The following UTP20 variants were observed in gnomAD, a reference collection of about 807,000 sequenced individuals.
UTP20 encodes the protein UTP20 small subunit processome component, also known as small subunit processome component 20 homolog.
UTP20 carries 164 observed loss-of-function variants against 329.5 expected under a neutral mutation model. The observed-to-expected ratio is 0.50, with a 90% confidence interval of 0.44 to 0.57. The LOEUF is 0.57. UTP20 is among the 20% of genes least tolerant of loss of function. UTP20 has a pLI of 0.00. For synonymous variants in UTP20, 1,151 were observed against 1,159.3 expected, an observed-to-expected ratio of 0.99 and a Z score of 0.14; for missense variants, 3,055 against 3,284.2, an observed-to-expected ratio of 0.93 and a Z score of 1.71.
intron 5 of UTP20, among the ~76,000 whole-genome samples, chr12:101,287,619 C>G (rs781081379): frequency 6.6e-6 from 1 of 152,124 alleles, no homozygotes; most frequent in Admixed American, 6.5e-5. Context: ...GTATGCCAGG[C>G]CCTGTTTGGT....
Position 101,386,211 on chromosome 12 carries a change from CGTTT to C in UTP20, c.*89_*92del. The C allele has an allele frequency of 1.7e-6, 2 of 1,153,288 alleles. No individual in the cohort carries two copies. The highest frequency in any genetic ancestry group is 3.0e-5 in the South Asian group (2 of 66,478). 71.4% of individuals were successfully genotyped at this position (1,153,288 alleles called of 1,614,324 possible). A position where few individuals can be genotyped will look rare whatever the true frequency, so the allele number is the denominator to read the frequency against. On this transcript the variant is annotated 3_prime_UTR_variant, in exon 62 of 62. Coordinates refer to ENST00000261637, the MANE Select transcript of UTP20 (RefSeq NM_014503.3). ...TAGGTTGTCTGGGGTAGGGGGGAGG[CGTTT>C]TTTTTTTTTTTTGAGACAAGGTCTC... is the stretch of plus-strand genomic sequence containing the variant.
chr12:101,330,045 T>C (rs1868708443), intron 27 of UTP20, among the ~76,000 whole-genome samples: 3 of 150,512 alleles, frequency 2.0e-5, no homozygotes, highest in South Asian at 2.1e-4. Context: ...ATAGTTATTA[T>C]AAAAACACTC....
chr12:101,293,304 T>A (rs542007354), intron 11 of UTP20, 59 bp downstream of exon 11: 12 of 1,495,122 alleles, frequency 8.0e-6, no homozygotes, highest in Non-Finnish European at 1.1e-5. Context: ...GAAAAAACGA[T>A]CAAATTTGAA....
chr12:101,323,918 C>A (rs923620474), intron 25 of UTP20, among the ~76,000 whole-genome samples: 1 of 152,038 alleles, frequency 6.6e-6, no homozygotes, highest in Admixed American at 6.5e-5. Context: ...GTGGATGGAT[C>A]CCGAGGTCAG....
At chr12:101,353,292 A>G (rs1234101602) in intron 40 of UTP20, among the ~76,000 whole-genome samples, 163 bp downstream of exon 40, 1 of 152,216 alleles carries the variant, frequency 6.6e-6, no homozygotes, top group East Asian at 1.9e-4. Context: ...TGGTTTAAGT[A>G]TTCTTGGAAA....
At chr12:101,343,420 G>A (rs910054714) in intron 35 of UTP20, among the ~76,000 whole-genome samples, 1 of 152,190 alleles carries the variant, frequency 6.6e-6, no homozygotes, top group Non-Finnish European at 1.5e-5. Flanking sequence ...GATTTCTAAT[G>A]GGTATAGGGT....
rs556970773 is a variant in UTP20 at position 101,301,990 on chromosome 12, G to A, written c.1676-458G>A. ...CACCCAGGCTGGAGGGCAGTGGCAC[G>A]ATCATGGCTTACTGCATGCAGCCTT... On this transcript the variant is annotated intron_variant, in intron 14 of 61. Coordinates refer to ENST00000261637, the MANE Select transcript of UTP20 (RefSeq NM_014503.3). Among the ~76,000 whole-genome samples, 6 of 152,220 alleles carry A rather than the reference G, an allele frequency of 3.9e-5. No individual in the cohort carries two copies. The East Asian group carries it at 9.7e-4, about 25-fold the overall frequency.
Position 101,309,806 on chromosome 12 carries a change from GTGCACTC to G in UTP20, c.2201_2207del (p.Ala734GlyfsTer8). ...TTAGGCATGCTATATATTAATTTCA[GTGCACTC>G]TGGGATCCTGTTATTGAACTCATAA... On this transcript the variant is annotated frameshift_variant, in exon 19 of 62. Transcript: ENST00000261637. LOFTEE classifies it high-confidence loss of function. 1.2e-6 allele frequency: 2 copies of G among 1,613,706 alleles called. No homozygotes were observed. Among genetic ancestry groups the G allele is most frequent in the Non-Finnish European group, 1.7e-6 (2 of 1,179,980 alleles).
chr12:101,289,013 C>G lies in UTP20; in HGVS notation c.569C>G (p.Ala190Gly). The G allele has an allele frequency of 6.2e-7, 1 of 1,613,748 alleles. No homozygotes were observed. Among genetic ancestry groups the G allele is most frequent in the Non-Finnish European group, 8.5e-7 (1 of 1,179,852 alleles). The part of the protein sequence containing the change: ...HKKLHIRNFA[A>G]ESFTFLMRKV... ...AAACTACATATAAGAAATTTTGCTG[C>G]TGAAAGTTTTACTTTTTTGATGAGA... The change falls in exon 6 of 62, where the codon GCT (alanine) becomes GGT (glycine). Residue 190 changes from alanine (A) to glycine (G), a missense_variant. Ala to Gly is a moderately conservative substitution (Grantham distance 60). Coordinates refer to ENST00000261637, the MANE Select transcript of UTP20 (RefSeq NM_014503.3).
intron 29 of UTP20, among the ~76,000 whole-genome samples, chr12:101,336,757 A>G (rs1868945879): frequency 6.6e-6 from 1 of 152,198 alleles, no homozygotes; most frequent in Admixed American, 6.5e-5. Context: ...ACAGAGGGTT[A>G]CACATCTCCA....
chr12:101,325,450 C>A (rs1158297810), intron 25 of UTP20, among the ~76,000 whole-genome samples: 3 of 152,188 alleles, frequency 2.0e-5, no homozygotes, highest in Non-Finnish European at 4.4e-5. Context: ...AAGGCAAAAA[C>A]AATGGTGGGT....
At position 101,286,427 on chromosome 12, in the gene UTP20, T is replaced by A. The variant is rs907528322; in HGVS notation, c.433T>A (p.Leu145Ile). The change falls in exon 5 of 62, where the codon TTA (leucine) becomes ATA (isoleucine). Residue 145 changes from leucine to isoleucine, a missense_variant. By Grantham distance (5) the Leu-to-Ile change is conservative. Transcript: ENST00000261637. ...SILETQDTEL[L>I]EWAFTSLSYL... ...CCTGGAGACTCAGGACACAGAGTTG[T>A]TAGAATGGGCTTTCACCTCGTTATC... 1.9e-6 allele frequency: 3 copies of A among 1,613,896 alleles called. No homozygotes were observed. The highest frequency in any genetic ancestry group is 2.5e-6 in the Non-Finnish European group (3 of 1,179,954).
At position 101,338,278 on chromosome 12, in the gene UTP20, G is replaced by C. The variant is rs1320517129; in HGVS notation, c.3868+1G>C. Reference sequence around the variant, plus strand: ...CCTGGCATAGCAGAAAACATCGGTGGTATGTATGCTGACAAAGCAGATAAT... The same window carrying C: ...CCTGGCATAGCAGAAAACATCGGTGCTATGTATGCTGACAAAGCAGATAAT... On this transcript the variant is annotated splice_donor_variant, in intron 30 of 61. Coordinates refer to ENST00000261637, the MANE Select transcript of UTP20 (RefSeq NM_014503.3). LOFTEE classifies it high-confidence loss of function. 2 of 1,613,410 alleles carry C rather than the reference G, an allele frequency of 1.2e-6. No homozygotes were observed.
At chr12:101,309,318 C>T (rs1872719433) in intron 18 of UTP20, among the ~76,000 whole-genome samples, 1 of 152,168 alleles carries the variant, frequency 6.6e-6, no homozygotes, top group East Asian at 1.9e-4. Flanking sequence ...ACCCTTATTC[C>T]AAAAGGTGAC....
At chr12:101,308,668 T>G (rs1421154501) in intron 18 of UTP20, among the ~76,000 whole-genome samples, 2 of 151,720 alleles carry the variant, frequency 1.3e-5, no homozygotes, top group Non-Finnish European at 2.9e-5. Context: ...CAGGATTTAA[T>G]GTCAGGTTTA....
chr12:101,329,321 A>G lies in UTP20; in HGVS notation c.3289A>G (p.Ile1097Val). 1.2e-6 allele frequency: 2 copies of G among 1,614,186 alleles called. No individual in the cohort carries two copies. Among genetic ancestry groups the G allele is most frequent in the Non-Finnish European group, 1.7e-6 (2 of 1,180,026 alleles). Reference sequence around the variant, plus strand: ...TCTTCCTTTAGGTCGTCAGCACGGTATCTTAAACAGCCTTGAGATAGTATT... The same window carrying G: ...TCTTCCTTTAGGTCGTCAGCACGGTGTCTTAAACAGCCTTGAGATAGTATT... ...KVLPLGRQHG[I>V]LNSLEIVLKN... Residue 1097 changes from isoleucine to valine, a missense_variant, in exon 27 of 62, where the codon ATC becomes GTC. This residue lies in a region of UTP20 where 2,445 missense variants were observed against 2,575.5 expected (regional missense o/e 0.95). Coordinates refer to ENST00000261637, the MANE Select transcript of UTP20 (RefSeq NM_014503.3).
rs1593447113 is a variant in UTP20 at position 101,357,065 on chromosome 12, C to G, written c.5674C>G (p.Leu1892Val). 1.2e-6 allele frequency: 2 copies of G among 1,610,624 alleles called. No individual in the cohort carries two copies. Among genetic ancestry groups the G allele is most frequent in the African/African-American group, 1.3e-5 (1 of 74,898 alleles). ...TGTTTTAAAAGAATTACAGACTACT[C>G]TTGTCCGTGGATACCAGGTAAATTG... ...LYVLKELQTTLVRGYQVHVLT... is the reference protein window; with the variant it reads ...LYVLKELQTTVVRGYQVHVLT... The change falls in exon 43 of 62, where the codon CTT (leucine) becomes GTT (valine). Residue 1892 changes from leucine (L) to valine (V), a missense_variant. Coordinates refer to ENST00000261637, the MANE Select transcript of UTP20 (RefSeq NM_014503.3).
chr12:101,349,137 T>C (rs770983781), intron 38 of UTP20, among the ~76,000 whole-genome samples: 56 of 152,122 alleles, frequency 3.7e-4, no homozygotes, highest in Non-Finnish European at 7.2e-4. Flanking sequence ...TTCCCCCAAA[T>C]GTAATGTGTT....
Position 101,306,061 on chromosome 12 carries a change from C to T in UTP20, c.1928C>T (p.Ser643Phe), listed in dbSNP as rs144582951. 6 of 1,611,182 alleles carry T rather than the reference C, an allele frequency of 3.7e-6. No homozygotes were observed. The African/African-American group carries it at 6.7e-5, about 18-fold the overall frequency. ...CAAGCAAACATTTCAACTGGTGTAT[C>T]CAAGGTAATGGTGTTTTGTGGTAGT... ...KLQANISTGV[S>F]KIRLLTIRIL... The change falls in exon 16 of 62, where the codon TCC (serine) becomes TTC (phenylalanine). Residue 643 changes from serine to phenylalanine, a missense_variant. By Grantham distance (155) the Ser-to-Phe change is radical (BLOSUM62 -2). Around this residue, in one of 3 missense-constraint regions of UTP20, gnomAD observed 2,445 missense variants for 2,575.5 expected, o/e 0.95. Coordinates refer to ENST00000261637, the MANE Select transcript of UTP20 (RefSeq NM_014503.3).
Sources: gnomAD v4.1 joint callset for allele counts (sites outside exome capture counted in the v4.1 genomes callset) on GRCh38, gnomAD v4.1.1 for gene constraint, gnomAD v4.1.1 regional missense constraint, MANE v1.5 for transcripts, NCBI Gene and HGNC (gene_info 2026-07-23, HGNC 2026-07-21) for gene names.